Variants in SIPA1L1 observed in about 807,000 individuals in gnomAD.
SIPA1L1 encodes the protein signal induced proliferation associated 1 like 1, also known as signal-induced proliferation-associated 1-like protein 1.
SIPA1L1 carries 26 observed loss-of-function variants against 162.7 expected under a neutral mutation model. The observed-to-expected ratio is 0.16, with a 90% CI of 0.12 to 0.22. The LOEUF (loss-of-function observed/expected upper bound fraction) is 0.22, where lower values mean the gene tolerates loss of function less well. Ranked by LOEUF, SIPA1L1 falls within the 10% of genes least tolerant of loss-of-function variation. The pLI, the probability that SIPA1L1 is intolerant of heterozygous loss-of-function variation, is 1.00. For missense variants in SIPA1L1, 1,874 were observed against 2,241.0 expected, an observed-to-expected ratio of 0.84 and a Z score of 3.31; for synonymous variants, 829 against 837.4, an observed-to-expected ratio of 0.99 and a Z score of 0.17.
chr14:71,506,619 G>T (rs1205265084), intron 2 of SIPA1L1, among the ~76,000 whole-genome samples: 2 of 152,174 alleles, frequency 1.3e-5, no homozygotes, highest in Non-Finnish European at 2.9e-5. Context: ...GGGATTACAG[G>T]TGTGAGCCAC....
intron 15 of SIPA1L1, among the ~76,000 whole-genome samples, chr14:71,703,815 T>C (rs535626217): frequency 1.3e-5 from 2 of 152,240 alleles, no homozygotes; most frequent in South Asian, 4.2e-4. Flanking sequence ...TGAGAAGGGA[T>C]GGAAAGGGTA....
chr14:71,735,042 G>C (rs926894665), intron 21 of SIPA1L1, among the ~76,000 whole-genome samples: 2 of 152,118 alleles, frequency 1.3e-5, no homozygotes, highest in African/African-American at 4.8e-5. Context: ...GCAGGGAAGA[G>C]GGGGGACTAG....
rs186385999 is a variant in SIPA1L1 at position 71,738,229 on chromosome 14, T to G, written c.5124-12T>G. 2,147 of 1,591,704 alleles carry G rather than the reference T, an allele frequency of 1.3e-3. 11 individuals are homozygous for G. The highest frequency in any genetic ancestry group is 1.0e-3 in the Non-Finnish European group (1,182 of 1,163,040). ...GCCCCTGCCAACATGGTCTTTTGTTTCTTGTTCCCAGCAGTAAAGACTCCT... is the reference window on the plus strand; with the variant it reads ...GCCCCTGCCAACATGGTCTTTTGTTGCTTGTTCCCAGCAGTAAAGACTCCT... On this transcript the variant is annotated splice_polypyrimidine_tract_variant and intron_variant, in intron 22 of 23. Coordinates refer to ENST00000381232, the MANE Select transcript of SIPA1L1 (RefSeq NM_001386936.1).
At chr14:71,585,849 G>T (rs1170138797) in intron 4 of SIPA1L1, among the ~76,000 whole-genome samples, 1 of 152,138 alleles carries the variant, frequency 6.6e-6, no homozygotes, top group Non-Finnish European at 1.5e-5. Flanking sequence ...TTGCATTTTG[G>T]TTCAGTTGTT....
In SIPA1L1 at chr14:71,443,700, T is replaced by C. The variant is rs554455216; in HGVS notation, c.-464-69043T>C. ...GGGTTAAGCAGAATAATTTCTACTCTGTAGAATTTAGACTTTTAAAACCCA... is the reference window on the plus strand; with the variant it reads ...GGGTTAAGCAGAATAATTTCTACTCCGTAGAATTTAGACTTTTAAAACCCA... On this transcript the variant is annotated intron_variant, in intron 2 of 23. Transcript: ENST00000381232. Among the ~76,000 whole-genome samples the C allele has an allele frequency of 4.6e-5, 7 of 152,340 alleles. No homozygotes were observed. The East Asian group carries it at 7.7e-4, about 17-fold the overall frequency.
intron 13 of SIPA1L1, among the ~76,000 whole-genome samples, chr14:71,695,220 CCATA>C (rs968605313): frequency 6.6e-6 from 1 of 152,180 alleles, no homozygotes; most frequent in Admixed American, 6.5e-5. Context: ...TCTTTGCCTA[CCATA>C]CATACATCTA....
At chr14:71,399,902 G>A (rs975190072) in intron 2 of SIPA1L1, among the ~76,000 whole-genome samples, 26 of 151,922 alleles carry the variant, frequency 1.7e-4, no homozygotes, top group Non-Finnish European at 2.6e-4. Context: ...TGTATTTTTA[G>A]TAGAGACGGG....
intron 6 of SIPA1L1, among the ~76,000 whole-genome samples, chr14:71,620,595 C>G (rs961903210): frequency 2.0e-5 from 3 of 152,180 alleles, no homozygotes; most frequent in Non-Finnish European, 2.9e-5. Context: ...TGAGTCAGAT[C>G]CTGTCACTGG....
At chr14:71,410,221 T>C (rs562622981) in intron 2 of SIPA1L1, among the ~76,000 whole-genome samples, 2 of 152,328 alleles carry the variant, frequency 1.3e-5, no homozygotes, top group East Asian at 3.9e-4. Flanking sequence ...TGGTGAGCCA[T>C]TAAAGCAATT....
chr14:71,400,999 C>T (rs1001321938), intron 2 of SIPA1L1: 1 of 152,176 alleles, frequency 6.6e-6, no homozygotes, highest in Non-Finnish European at 1.5e-5. Context: ...ACTGCAGCAG[C>T]CTCCACAACG....
At chr14:71,344,032 T>C (rs2035913251) in intron 2 of SIPA1L1, among the ~76,000 whole-genome samples, 1 of 152,236 alleles carries the variant, frequency 6.6e-6, no homozygotes, top group Non-Finnish European at 1.5e-5. Flanking sequence ...TTGGAGAATT[T>C]ATAATAGGAG....
chr14:71,702,222 C>T, intron 14 of SIPA1L1, 159 bp from the exon 15 acceptor site: 2 of 676,756 alleles, frequency 3.0e-6, no homozygotes, highest in South Asian at 3.8e-5. Flanking sequence ...CATTTCCACA[C>T]CCACGTAAAC....
chr14:71,330,780 T>G, intron 2 of SIPA1L1: 1 of 743,260 alleles, frequency 1.3e-6, no homozygotes, highest in Non-Finnish European at 2.5e-6. Flanking sequence ...CCCAGTGGGC[T>G]GTCCCTGACG....
chr14:71,385,147 C>A (rs2040214351), intron 2 of SIPA1L1, among the ~76,000 whole-genome samples: 1 of 152,190 alleles, frequency 6.6e-6, no homozygotes. Flanking sequence ...ACCGATGCCC[C>A]AGATTAAAAG....
intron 2 of SIPA1L1, among the ~76,000 whole-genome samples, chr14:71,465,320 A>C (rs549023663): frequency 1.3e-5 from 2 of 152,316 alleles, no homozygotes; most frequent in African/African-American, 4.8e-5. Flanking sequence ...ACTCTCACTC[A>C]GGGCAATCTT....
At chr14:71,553,957 A>G (rs905686457) in intron 4 of SIPA1L1, among the ~76,000 whole-genome samples, 1 of 152,172 alleles carries the variant, frequency 6.6e-6, no homozygotes, top group Non-Finnish European at 1.5e-5. Flanking sequence ...TCATGTCCTC[A>G]TCCAGGTACA....
chr14:71,486,540 A>G lies in SIPA1L1; in HGVS notation c.-464-26203A>G, dbSNP rs918759477. On this transcript the variant is annotated intron_variant, in intron 2 of 23. Coordinates refer to ENST00000381232, the MANE Select transcript of SIPA1L1 (RefSeq NM_001386936.1). ...GTGGTGTTTAAATGGGCACTTTGCC[A>G]GCCCAAATAAAATGATACTTCTATC... Among the ~76,000 whole-genome samples the G allele has an allele frequency of 7.9e-5, 12 of 152,348 alleles. No individual in the cohort carries two copies. The East Asian group carries it at 2.1e-3, about 27-fold the overall frequency.
At chr14:71,573,998 C>T in intron 4 of SIPA1L1, 3 of 282,854 alleles carry the variant, frequency 1.1e-5, no homozygotes, top group South Asian at 1.0e-4. Context: ...GACAGTTCCT[C>T]ACTTTTTCTT....
chr14:71,604,779 G>A (rs982401876), intron 5 of SIPA1L1, among the ~76,000 whole-genome samples: 4 of 151,872 alleles, frequency 2.6e-5, no homozygotes, highest in East Asian at 1.9e-4. Context: ...TCTGATGGGG[G>A]TCCCTTTATA....
Sources: gnomAD v4.1 joint callset for allele counts (sites outside exome capture counted in the v4.1 genomes callset) on GRCh38, gnomAD v4.1.1 for gene constraint, MANE v1.5 for transcripts, NCBI Gene and HGNC (gene_info 2026-07-23, HGNC 2026-07-21) for gene names.